MEI1: variants seen among roughly 807,000 people sequenced by gnomAD.
MEI1 encodes the protein meiotic double-stranded break formation protein 1.
MEI1 carries 103 observed loss-of-function variants against 146.2 expected under a neutral mutation model. That is an observed-to-expected ratio of 0.70 (90% CI 0.60 to 0.83). The LOEUF (loss-of-function observed/expected upper bound fraction) is 0.83. MEI1 is among the 40% of genes least tolerant of loss of function. MEI1 has a pLI of 0.00. For missense variants in MEI1, 1,529 were observed against 1,533.0 expected (o/e 1.00, Z 0.04); for synonymous variants, 652 against 628.2 (o/e 1.04, Z -0.57).
chr22:41,737,443 GT>G (rs2072474225), intron 11 of MEI1, among the ~76,000 whole-genome samples: 1 of 152,060 alleles, frequency 6.6e-6, no homozygotes, highest in African/African-American at 2.4e-5. Context: ...GTTTCAGTGT[GT>G]TAGCCAGGAT....
intron 7 of MEI1, among the ~76,000 whole-genome samples, chr22:41,724,803 CTT>C (rs74762751): frequency 9.9e-4 from 138 of 138,700 alleles, no homozygotes; most frequent in Middle Eastern, 3.8e-3. Context: ...TTTGTAAATT[CTT>C]TTTTTTTTTT....
chr22:41,753,723 C>A (rs2073922389), intron 16 of MEI1: 1 of 413,608 alleles, frequency 2.4e-6, no homozygotes, highest in Non-Finnish European at 4.5e-6. Context: ...AGGTGATCCA[C>A]CAGCCTCAGC....
rs191066382 is a variant in MEI1 at position 41,779,924 on chromosome 22, A to T, written c.2815+1112A>T. On this transcript the variant is annotated intron_variant, in intron 22 of 30. Transcript: ENST00000401548. ...AAGGTTGAAATGAATAGGAAAAATG[A>T]CATGTCTTCAGTGTTTGTGGACCCC... Among the ~76,000 whole-genome samples, 7 of 152,306 alleles carry T rather than the reference A, an allele frequency of 4.6e-5. No homozygotes were observed. The East Asian group carries it at 1.4e-3, about 29-fold the overall frequency.
At position 41,716,355 on chromosome 22, in the gene MEI1, C is replaced by CTTTTTTTTT. The variant is rs6147630; in HGVS notation, c.529+239_529+247dup. 1.2e-3 allele frequency among the ~76,000 whole-genome samples: 148 copies of CTTTTTTTTT among 118,554 alleles called. 8 individuals are homozygous for CTTTTTTTTT. Among genetic ancestry groups the CTTTTTTTTT allele is most frequent in the Non-Finnish European group, 1.7e-3 (102 of 58,678 alleles). The allele number at this position is 118,554 out of a possible 152,430, so 77.8% of individuals were successfully genotyped here. A position where few individuals can be genotyped will look rare whatever the true frequency, so the allele number is the denominator to read the frequency against. On this transcript the variant is annotated intron_variant, in intron 5 of 30. Transcript: ENST00000401548. The stretch of plus-strand genomic sequence containing the variant: ...TATTCTTGGACTATTTCCATTCATT[C>CTTTTTTTTT]TTTTTTTTTTTTTTTTTTTTTTTTT...
At chr22:41,769,010 G>A (rs1344668077) in intron 19 of MEI1, among the ~76,000 whole-genome samples, 7 of 152,046 alleles carry the variant, frequency 4.6e-5, no homozygotes, top group South Asian at 4.2e-4. Flanking sequence ...CAAATTGATC[G>A]GTAGATTCAA....
intron 3 of MEI1, chr22:41,709,424 G>A (rs1320701368): frequency 1.4e-6 from 1 of 695,732 alleles, no homozygotes. Flanking sequence ...GATCTTCTCT[G>A]TGGTTCGTCC....
At chr22:41,777,072 C>A (rs2075479098) in intron 21 of MEI1, among the ~76,000 whole-genome samples, 1 of 152,032 alleles carries the variant, frequency 6.6e-6, no homozygotes, top group South Asian at 2.1e-4. Flanking sequence ...CCACCTCAGC[C>A]TCCCAAAGTG....
chr22:41,717,588 G>T (rs1401428173), intron 5 of MEI1, among the ~76,000 whole-genome samples: 1 of 151,750 alleles, frequency 6.6e-6, no homozygotes, highest in Non-Finnish European at 1.5e-5. Flanking sequence ...ATGAGCCACT[G>T]CACCTGGCTT....
chr22:41,711,304 C>G (rs1002434727), intron 3 of MEI1, among the ~76,000 whole-genome samples: 4 of 152,216 alleles, frequency 2.6e-5, no homozygotes, highest in Admixed American at 6.5e-5. Flanking sequence ...TCCCGAGTAG[C>G]TGGGACTATA....
At chr22:41,714,344 T>C (rs187152061) in intron 4 of MEI1, among the ~76,000 whole-genome samples, 1 of 152,310 alleles carries the variant, frequency 6.6e-6, no homozygotes, top group Admixed American at 6.5e-5. Flanking sequence ...ATCCCATGGT[T>C]CATTTTCCGT....
At chr22:41,701,243 A>G (rs1438816545) in intron 1 of MEI1, among the ~76,000 whole-genome samples, 1 of 152,064 alleles carries the variant, frequency 6.6e-6, no homozygotes, top group Non-Finnish European at 1.5e-5. Context: ...CCGGCCAAAC[A>G]GCTGGATTTT....
intron 6 of MEI1, among the ~76,000 whole-genome samples, chr22:41,721,111 C>T (rs1417371830): frequency 1.3e-5 from 2 of 150,762 alleles, no homozygotes; most frequent in African/African-American, 4.9e-5. Context: ...GATGGGGTTT[C>T]ACCATGTTAG....
chr22:41,764,039 C>T (rs1035080305), intron 19 of MEI1, among the ~76,000 whole-genome samples: 1 of 147,798 alleles, frequency 6.8e-6, no homozygotes, highest in Non-Finnish European at 1.5e-5. Flanking sequence ...CTGCTGACCA[C>T]AACCTCCACC....
chr22:41,729,159 C>T (rs1455901428), intron 7 of MEI1, among the ~76,000 whole-genome samples: 13 of 98,352 alleles, frequency 1.3e-4, no homozygotes, highest in East Asian at 3.1e-4. Flanking sequence ...AGTGAGACTC[C>T]GTCTCAAAAA....
At chr22:41,765,026 A>G (rs1358661022) in intron 19 of MEI1, among the ~76,000 whole-genome samples, 1 of 152,168 alleles carries the variant, frequency 6.6e-6, no homozygotes, top group Non-Finnish European at 1.5e-5. Context: ...TTGAACAACC[A>G]AGAGTCTTGC....
intron 7 of MEI1, among the ~76,000 whole-genome samples, chr22:41,726,123 C>T (rs773130975): frequency 6.6e-6 from 1 of 152,042 alleles, no homozygotes. Flanking sequence ...ACTAAAAATA[C>T]AAAAATTAGC....
chr22:41,779,481 A>T (rs189212103), intron 22 of MEI1, among the ~76,000 whole-genome samples: 1 of 152,280 alleles, frequency 6.6e-6, no homozygotes, highest in African/African-American at 2.4e-5. Context: ...TATGACAGGC[A>T]CAAGCTCTAG....
intron 18 of MEI1, chr22:41,759,423 A>T (rs2074315018): frequency 6.5e-6 from 1 of 153,190 alleles, no homozygotes; most frequent in South Asian, 2.0e-4. Context: ...AGGTCAGGAG[A>T]TCGAGACCAT....
rs2075748640 is a variant in MEI1 at position 41,781,354 on chromosome 22, T to TTGGA, written c.2887_2890dup (p.Ser964MetfsTer171). 1 of 1,613,560 alleles carries TTGGA rather than the reference T, an allele frequency of 6.2e-7. No homozygotes were observed. Among genetic ancestry groups the TTGGA allele is most frequent in the South Asian group, 1.1e-5 (1 of 90,938 alleles). On this transcript the variant is annotated frameshift_variant, in exon 23 of 31. Coordinates refer to ENST00000401548, the MANE Select transcript of MEI1 (RefSeq NM_152513.4). LOFTEE classifies it high-confidence loss of function. ...TGCAGCCCTCCTTCAACTTCCTGTATTGGAGCCTTCATCAGACCACACCCA... is the reference window on the plus strand; with the variant it reads ...TGCAGCCCTCCTTCAACTTCCTGTATTGGATGGAGCCTTCATCAGACCACACCCA...
Sources: allele counts gnomAD v4.1 joint callset (sites outside exome capture counted in the v4.1 genomes callset), GRCh38; gene constraint gnomAD v4.1.1; transcripts MANE v1.5; gene names NCBI Gene and HGNC (gene_info 2026-07-23, HGNC 2026-07-21).